The following PCDH15 variants were observed in gnomAD, a reference collection of about 807,000 sequenced individuals.
PCDH15 encodes protocadherin related 15.
PCDH15 carries 129 observed loss-of-function variants against 178.5 expected under a neutral mutation model. The ratio of observed to expected loss-of-function variants is 0.72; its 90% CI spans 0.63 to 0.84. The LOEUF (loss-of-function observed/expected upper bound fraction) is 0.84, where lower values mean the gene tolerates loss of function less well. Ranked by LOEUF, PCDH15 falls within the 40% of genes least tolerant of loss-of-function variation. The probability of loss-of-function intolerance (pLI) is 0.00; values close to 1 mark genes in which losing one functional copy is unlikely to be tolerated. For synonymous variants in PCDH15, 800 were observed against 732.0 expected (o/e 1.09, Z -1.50); for missense variants, 2,230 against 2,099.9 (o/e 1.06, Z -1.21).
chr10:54,546,791 T>C (rs895912529), intron 2 of PCDH15, among the ~76,000 whole-genome samples: 8 of 152,200 alleles, frequency 5.3e-5, no homozygotes, highest in African/African-American at 1.7e-4. Flanking sequence ...TTTCATCTGA[T>C]ACATGAAGAG....
intron 2 of PCDH15, among the ~76,000 whole-genome samples, chr10:55,044,318 G>C (rs1840943146): frequency 6.6e-6 from 1 of 152,056 alleles, no homozygotes; most frequent in Non-Finnish European, 1.5e-5. Context: ...TGTCACAAAA[G>C]TAAACATAAC....
intron 2 of PCDH15, among the ~76,000 whole-genome samples, chr10:54,971,659 C>T (rs1838935196): frequency 6.6e-6 from 1 of 152,136 alleles, no homozygotes; most frequent in Non-Finnish European, 1.5e-5. Flanking sequence ...ACTCTTCCTC[C>T]CACTTCAATA....
At chr10:55,128,777 G>A (rs1837967589) in intron 2 of PCDH15, among the ~76,000 whole-genome samples, 1 of 151,814 alleles carries the variant, frequency 6.6e-6, no homozygotes, top group African/African-American at 2.4e-5. Flanking sequence ...TAAAATTGAT[G>A]AGAGCTGTGA....
chr10:54,054,502 A>G (rs751192355), intron 18 of PCDH15, among the ~76,000 whole-genome samples: 1 of 152,162 alleles, frequency 6.6e-6, no homozygotes, highest in Admixed American at 6.5e-5. Flanking sequence ...ATTTGTGACC[A>G]TAAAGTGGAC....
At chr10:55,532,979 A>G (rs1383876479) in intron 2 of PCDH15, among the ~76,000 whole-genome samples, 1 of 152,060 alleles carries the variant, frequency 6.6e-6, no homozygotes, top group African/African-American at 2.4e-5. Context: ...ACAGTTTCTC[A>G]GGACATTAAA....
intron 2 of PCDH15, among the ~76,000 whole-genome samples, chr10:55,433,872 T>C (rs1019090299): frequency 1.3e-5 from 2 of 152,162 alleles, no homozygotes; most frequent in African/African-American, 4.8e-5. Flanking sequence ...CTGCACTGTT[T>C]ATTGATCAAT....
chr10:54,723,491 A>G (rs1162694269), intron 1 of PCDH15, among the ~76,000 whole-genome samples: 2 of 151,818 alleles, frequency 1.3e-5, no homozygotes, highest in African/African-American at 4.8e-5. Context: ...GCCTTAGCAA[A>G]TAATTTATAA....
chr10:54,677,484 T>C (rs1400387863), intron 1 of PCDH15, among the ~76,000 whole-genome samples: 1 of 152,140 alleles, frequency 6.6e-6, no homozygotes, highest in Non-Finnish European at 1.5e-5. Flanking sequence ...GCAGTGTGTG[T>C]GTGCGTGCGT....
intron 2 of PCDH15, among the ~76,000 whole-genome samples, chr10:55,061,040 G>A (rs911004850): frequency 1.3e-5 from 2 of 151,920 alleles, no homozygotes; most frequent in African/African-American, 4.8e-5. Flanking sequence ...TAGATACAAA[G>A]CCAAAGGCAA....
chr10:54,571,280 A>G (rs1226395150), intron 2 of PCDH15, among the ~76,000 whole-genome samples: 1 of 150,258 alleles, frequency 6.7e-6, no homozygotes, highest in African/African-American at 2.5e-5. Context: ...AGAAGATACC[A>G]GTCCCACCCT....
chr10:54,396,349 C>G (rs1477886489), intron 3 of PCDH15, among the ~76,000 whole-genome samples: 2 of 152,134 alleles, frequency 1.3e-5, no homozygotes, highest in African/African-American at 4.8e-5. Flanking sequence ...AAACTCACCT[C>G]CTTGGCGGCT....
intron 3 of PCDH15, among the ~76,000 whole-genome samples, chr10:54,436,600 T>G (rs1437629623): frequency 6.6e-6 from 1 of 152,086 alleles, no homozygotes; most frequent in Admixed American, 6.6e-5. Context: ...GCACAGAAAT[T>G]TGTTCATTTA....
chr10:55,182,080 A>G (rs1000517608), intron 1 of PCDH15, among the ~76,000 whole-genome samples: 27 of 151,900 alleles, frequency 1.8e-4, no homozygotes, highest in African/African-American at 6.3e-4. Flanking sequence ...ACTTAGTATT[A>G]TATAATAGAA....
intron 8 of PCDH15, among the ~76,000 whole-genome samples, chr10:54,281,466 T>C (rs6481079): frequency 0.73 from 109,996 of 151,624 alleles, 40,871 homozygotes; most frequent in African/African-American, 0.82. Context: ...AATATATGAA[T>C]ATTGAGTCTA....
At chr10:54,057,847 A>G (rs1270242444) in intron 18 of PCDH15, among the ~76,000 whole-genome samples, 2 of 152,154 alleles carry the variant, frequency 1.3e-5, no homozygotes, top group Admixed American at 6.5e-5. Flanking sequence ...TTCTTCTGCT[A>G]GATATCCTGA....
chr10:54,731,547 T>TAG (rs1566067223), intron 1 of PCDH15, among the ~76,000 whole-genome samples: 4,268 of 28,842 alleles, frequency 0.15, 229 homozygotes, highest in Non-Finnish European at 0.25. Context: ...GTGAGATAGA[T>TAG]ATATATATAT....
At chr10:54,427,470 G>T (rs1956430027) in intron 3 of PCDH15, among the ~76,000 whole-genome samples, 1 of 151,282 alleles carries the variant, frequency 6.6e-6, no homozygotes, top group South Asian at 2.1e-4. Flanking sequence ...TAGAGACGGG[G>T]TTTCTCCTTG....
intron 21 of PCDH15, among the ~76,000 whole-genome samples, chr10:53,984,122 C>CTTTTTTTTTTTTTTTTTTTT (rs57184119): frequency 2.7e-5 from 3 of 112,670 alleles, no homozygotes; most frequent in African/African-American, 1.1e-4. Context: ...AAGTGCTTTT[C>CTTTTTTTTTTTTTTTTTTTT]TTTTTTTTTT....
At chr10:54,667,224 A>G (rs184811291) in intron 1 of PCDH15, among the ~76,000 whole-genome samples, 11 of 152,146 alleles carry the variant, frequency 7.2e-5, no homozygotes, top group African/African-American at 1.7e-4. Context: ...TTCCAAAGAA[A>G]TTTTCATCAC....
Sources: allele counts gnomAD v4.1 joint callset (sites outside exome capture counted in the v4.1 genomes callset), GRCh38; gene constraint gnomAD v4.1.1; transcripts MANE v1.5; gene names NCBI Gene and HGNC (gene_info 2026-07-23, HGNC 2026-07-21).